The following DGCR2 variants were observed in gnomAD, a reference collection of about 807,000 sequenced individuals.
The protein encoded by DGCR2 is integral membrane protein DGCR2/IDD.
DGCR2 carries 24 observed loss-of-function variants against 51.6 expected under a neutral mutation model. That is an observed-to-expected ratio of 0.47 (90% confidence interval 0.34 to 0.65). The LOEUF (loss-of-function observed/expected upper bound fraction) is 0.65, where lower values mean the gene tolerates loss of function less well. Ranked by LOEUF, DGCR2 falls within the 30% of genes least tolerant of loss-of-function variation. DGCR2 has a pLI of 0.01. For missense variants in DGCR2, 765 were observed against 772.1 expected (o/e 0.99, Z 0.11); for synonymous variants, 340 against 315.4 (o/e 1.08, Z -0.82).
chr22:19,072,042 T>C (rs1463605949), intron 2 of DGCR2, among the ~76,000 whole-genome samples: 3 of 151,934 alleles, frequency 2.0e-5, no homozygotes, highest in Non-Finnish European at 2.9e-5. Flanking sequence ...TATTAAAAGG[T>C]GGGCGCAGGG....
Position 19,041,087 on chromosome 22 carries a change from T to C in DGCR2, c.1367A>G (p.His456Arg), listed in dbSNP as rs2082425429. 1 of 1,610,468 alleles carries C rather than the reference T, an allele frequency of 6.2e-7. No homozygotes were observed. The highest frequency in any genetic ancestry group is 2.2e-5 in the East Asian group (1 of 44,784). Residue 456 changes from histidine (H) to arginine (R), a missense_variant, in exon 9 of 10, where the codon CAC (histidine) becomes CGC (arginine). Physicochemically the swap from His to Arg is conservative, Grantham distance 29. Transcript: ENST00000263196. ...AGGGTCATAGAACACACTGTCCGGG[T>C]GGATGGAGGCCTCGTAGGGCGGCGG... The part of the protein sequence containing the change: ...DPPPPYEASI[H>R]PDSVFYDPAD...
chr22:19,076,853 C>T (rs963128061), intron 2 of DGCR2, among the ~76,000 whole-genome samples: 10 of 151,174 alleles, frequency 6.6e-5, no homozygotes, highest in South Asian at 4.2e-4. Context: ...GCCTCAGCCT[C>T]CCGAGTAGCT....
At chr22:19,111,850 T>A (rs1459539659) in intron 1 of DGCR2, among the ~76,000 whole-genome samples, 15 of 77,738 alleles carry the variant, frequency 1.9e-4, no homozygotes, top group African/African-American at 9.8e-4. Context: ...TTTTTATTTT[T>A]TATTTATTTA....
At chr22:19,114,062 GAA>G (rs55948025) in intron 1 of DGCR2, among the ~76,000 whole-genome samples, 20 of 80,980 alleles carry the variant, frequency 2.5e-4, no homozygotes, top group Non-Finnish European at 2.1e-4. Context: ...TCCATTTGAG[GAA>G]AAAAAAAAAA....
chr22:19,038,988 A>G lies in DGCR2; in HGVS notation c.1530T>C (p.Ser510=). The G allele has an allele frequency of 6.2e-7, 1 of 1,610,782 alleles. No homozygotes were observed. The highest frequency in any genetic ancestry group is 8.5e-7 in the Non-Finnish European group (1 of 1,178,962). ...CGAGCAGGGCGCTGCTGCTGTCGGC[A>G]GAGTCTTCCAGGTCTGCCAGAGAGG... is the stretch of plus-strand genomic sequence containing the variant. ...AGASLADLED[S]ADSSSALLVP... Residue 510 remains serine, a synonymous_variant, in exon 10 of 10, where the codon TCT becomes TCC. Transcript: ENST00000263196.
intron 2 of DGCR2, among the ~76,000 whole-genome samples, chr22:19,087,678 C>CTTTTT (rs35513614): frequency 1.7e-5 from 2 of 120,294 alleles, no homozygotes; most frequent in African/African-American, 3.1e-5. Flanking sequence ...CTGCACCTGG[C>CTTTTT]TTTTTTTTTT....
intron 4 of DGCR2, 89 bp downstream of exon 4, chr22:19,064,759 C>T: frequency 7.7e-7 from 1 of 1,292,054 alleles, no homozygotes; most frequent in Non-Finnish European, 1.1e-6. Context: ...CAGCTGTGCT[C>T]CAGGAGTTTA....
intron 7 of DGCR2, among the ~76,000 whole-genome samples, chr22:19,042,385 G>A (rs920685295): frequency 2.0e-5 from 3 of 152,230 alleles, no homozygotes; most frequent in African/African-American, 7.2e-5. Flanking sequence ...TCCCACGTCC[G>A]TCCAACAGCA....
At chr22:19,078,373 AG>A (rs1569066219) in intron 2 of DGCR2, among the ~76,000 whole-genome samples, 3 of 152,192 alleles carry the variant, frequency 2.0e-5, no homozygotes, top group African/African-American at 7.2e-5. Flanking sequence ...TAGCTGAGTT[AG>A]TGTACATAAA....
chr22:19,065,305 TTTTAA>T (rs2082736152), intron 3 of DGCR2: 1 of 532,758 alleles, frequency 1.9e-6, no homozygotes, highest in African/African-American at 1.9e-5. Flanking sequence ...CTATAAGATC[TTTTAA>T]TTTATTCACT....
At chr22:19,056,526 C>T in intron 6 of DGCR2, 2 of 438,352 alleles carry the variant, frequency 4.6e-6, no homozygotes, top group Non-Finnish European at 8.3e-6. Flanking sequence ...CCCTGTCCCC[C>T]AAAAGCAATA....
intron 1 of DGCR2, among the ~76,000 whole-genome samples, chr22:19,105,426 C>T (rs1395402471): frequency 6.6e-6 from 1 of 152,204 alleles, no homozygotes; most frequent in South Asian, 2.1e-4. Context: ...GGAGGGGTCA[C>T]CTCTGTCCTG....
chr22:19,109,501 A>C (rs1431463560), intron 1 of DGCR2, among the ~76,000 whole-genome samples: 1 of 152,242 alleles, frequency 6.6e-6, no homozygotes, highest in Non-Finnish European at 1.5e-5. Context: ...ATGAACCTTG[A>C]GGTAAAATAA....
chr22:19,078,379 C>T (rs1182816835), intron 2 of DGCR2, among the ~76,000 whole-genome samples: 1 of 152,142 alleles, frequency 6.6e-6, no homozygotes, highest in Non-Finnish European at 1.5e-5. Flanking sequence ...AGTTAGTGTA[C>T]ATAAATATAA....
intron 4 of DGCR2, 93 bp downstream of exon 4, chr22:19,064,755 T>C: frequency 8.0e-7 from 1 of 1,245,618 alleles, no homozygotes; most frequent in East Asian, 2.3e-5. Flanking sequence ...CTGCCAGCTG[T>C]GCTCCAGGAG....
chr22:19,043,049 A>C (rs2082450690), intron 7 of DGCR2, among the ~76,000 whole-genome samples: 1 of 152,126 alleles, frequency 6.6e-6, no homozygotes, highest in Non-Finnish European at 1.5e-5. Context: ...CAGGTGTAGG[A>C]GGGCTGGGTG....
At chr22:19,072,071 C>G (rs567888900) in intron 2 of DGCR2, among the ~76,000 whole-genome samples, 4 of 152,046 alleles carry the variant, frequency 2.6e-5, no homozygotes, top group Admixed American at 6.6e-5. Flanking sequence ...GGTGGACACA[C>G]CCAGATTCCT....
At chr22:19,079,629 A>G (rs532455762) in intron 2 of DGCR2, among the ~76,000 whole-genome samples, 1 of 152,218 alleles carries the variant, frequency 6.6e-6, no homozygotes, top group Non-Finnish European at 1.5e-5. Context: ...ATCCCTTTAT[A>G]TGTAGCATGT....
chr22:19,053,252 T>A (rs2082568054), intron 6 of DGCR2, among the ~76,000 whole-genome samples: 3 of 152,128 alleles, frequency 2.0e-5, no homozygotes, highest in African/African-American at 7.2e-5. Context: ...TGGGCCTGCT[T>A]AAGGCTCAGA....
Sources: allele counts gnomAD v4.1 joint callset (sites outside exome capture counted in the v4.1 genomes callset), GRCh38; gene constraint gnomAD v4.1.1; transcripts MANE v1.5; gene names NCBI Gene and HGNC (gene_info 2026-07-23, HGNC 2026-07-21).